The following PLA2G12B variants were observed in gnomAD, a reference collection of about 807,000 sequenced individuals.
PLA2G12B encodes the protein phospholipase A2 group XIIB, also known as group XIIB secretory phospholipase A2-like protein.
In PLA2G12B, 19 loss-of-function variants were observed where a neutral mutation model predicts 22.3. The observed-to-expected ratio is 0.85, with a 90% CI of 0.60 to 1.25. The LOEUF is 1.25. PLA2G12B is among the 50% of genes most tolerant of loss of function. The pLI is 0.00. For synonymous variants in PLA2G12B, 81 were observed against 94.9 expected, an observed-to-expected ratio of 0.85 and a Z score of 0.85; for missense variants, 191 against 246.6, an observed-to-expected ratio of 0.77 and a Z score of 1.51.
In PLA2G12B at chr10:72,942,688, G is replaced by T; in HGVS notation, c.264C>A (p.Cys88Ter). 6.2e-7 allele frequency: 1 copy of T among 1,607,628 alleles called. No individual in the cohort carries two copies. The highest frequency in any genetic ancestry group is 1.7e-5 in the Admixed American group (1 of 59,340). ...CCTTGAGACCCAGGAAATAGGAGCCGCAGCCATTGGGCTCTTGGGGCTTGT... is the reference window on the plus strand; with the variant it reads ...CCTTGAGACCCAGGAAATAGGAGCCTCAGCCATTGGGCTCTTGGGGCTTGT... ...PGYKPQEPNG[C>*]GSYFLGLKVP... Residue 88 changes from cysteine to a stop codon, truncating the protein, a stop_gained, in exon 2 of 4, where the codon TGC becomes TGA. Transcript: ENST00000373032. LOFTEE classifies it high-confidence loss of function.
intron 1 of PLA2G12B, among the ~76,000 whole-genome samples, chr10:72,948,985 A>C (rs1051941237): frequency 2.6e-5 from 4 of 152,142 alleles, no homozygotes; most frequent in African/African-American, 9.7e-5. Context: ...CAGCAGTAAA[A>C]ACTTTCAGGG....
At chr10:72,940,671 C>A (rs1200479283) in intron 3 of PLA2G12B, among the ~76,000 whole-genome samples, 1 of 150,392 alleles carries the variant, frequency 6.6e-6, no homozygotes, top group Admixed American at 6.6e-5. Context: ...GATTCTGTCT[C>A]AAAAAAAATT....
chr10:72,936,161 A>G (rs943022037), intron 3 of PLA2G12B, among the ~76,000 whole-genome samples: 1 of 152,162 alleles, frequency 6.6e-6, no homozygotes, highest in Non-Finnish European at 1.5e-5. Context: ...ATGGAAAAAC[A>G]TTTGCATGGC....
chr10:72,937,196 C>T (rs551631197), intron 3 of PLA2G12B, among the ~76,000 whole-genome samples: 118 of 152,014 alleles, frequency 7.8e-4, no homozygotes, highest in African/African-American at 1.3e-3. Flanking sequence ...GGCGACAGAG[C>T]GAGACTCCAT....
At chr10:72,939,732 A>G (rs1209589587) in intron 3 of PLA2G12B, among the ~76,000 whole-genome samples, 2 of 152,264 alleles carry the variant, frequency 1.3e-5, no homozygotes, top group Non-Finnish European at 2.9e-5. Flanking sequence ...CCACTGAAGC[A>G]GGAGTCAAGA....
chr10:72,942,218 A>G (rs1266350300), intron 2 of PLA2G12B, among the ~76,000 whole-genome samples: 3 of 151,802 alleles, frequency 2.0e-5, no homozygotes, highest in African/African-American at 4.8e-5. Flanking sequence ...CTCTCCAAAC[A>G]TAGCCAATTT....
rs777181947 is a variant in PLA2G12B, at chr10:72,935,588, C to T, written c.*29G>A. The T allele has an allele frequency of 4.3e-6, 7 of 1,612,588 alleles. No individual in the cohort carries two copies. The South Asian group carries it at 5.5e-5, about 13-fold the overall frequency. On this transcript the variant is annotated 3_prime_UTR_variant, in exon 4 of 4. Coordinates refer to ENST00000373032, the MANE Select transcript of PLA2G12B (RefSeq NM_032562.5). ...TTGAAGGCTGACAGCTGTGGTGTCA[C>T]TCAAAACCAGGAAGGAATCACTTCT...
chr10:72,942,482 A>T (rs1281420835), intron 2 of PLA2G12B, among the ~76,000 whole-genome samples, 170 bp downstream of exon 2: 1 of 152,188 alleles, frequency 6.6e-6, no homozygotes, highest in East Asian at 1.9e-4. Flanking sequence ...GTCCCTGAGA[A>T]AAGGAAATCA....
intron 1 of PLA2G12B, among the ~76,000 whole-genome samples, chr10:72,947,237 CTTATT>C (rs534327401): frequency 1.2e-3 from 175 of 151,246 alleles, no homozygotes; most frequent in African/African-American, 3.9e-3. Context: ...TTTTCATTTT[CTTATT>C]TTATTTTATT....
chr10:72,935,586 C>A lies in PLA2G12B; in HGVS notation c.*31G>T. On this transcript the variant is annotated 3_prime_UTR_variant, in exon 4 of 4. Coordinates refer to ENST00000373032, the MANE Select transcript of PLA2G12B (RefSeq NM_032562.5). ...TCTTGAAGGCTGACAGCTGTGGTGT[C>A]ACTCAAAACCAGGAAGGAATCACTT... 6.2e-7 allele frequency: 1 copy of A among 1,612,032 alleles called. No homozygotes were observed. The highest frequency in any genetic ancestry group is 1.1e-5 in the South Asian group (1 of 90,638).
intron 1 of PLA2G12B, 25 bp downstream of exon 1, chr10:72,954,450 A>G (rs754292941): frequency 1.2e-6 from 2 of 1,614,068 alleles, no homozygotes; most frequent in Non-Finnish European, 1.7e-6. Context: ...AACAGTTTTT[A>G]CAGAAAGAGA....
rs537536673 is a variant in PLA2G12B, at chr10:72,948,268, C to T, written c.212-5528G>A. Among the ~76,000 whole-genome samples, 3 of 152,264 alleles carry T rather than the reference C, an allele frequency of 2.0e-5. No individual in the cohort carries two copies. In the South Asian group the frequency reaches 6.2e-4, roughly 32 times the overall value. ...TTGGGTTACCCTCTGCCTTTTTGCC[C>T]TTGATAACTCACAGAAGATAAAACT... On this transcript the variant is annotated intron_variant, in intron 1 of 3. Coordinates refer to ENST00000373032, the MANE Select transcript of PLA2G12B (RefSeq NM_032562.5).
chr10:72,947,716 T>C (rs1374256641), intron 1 of PLA2G12B, among the ~76,000 whole-genome samples: 1 of 152,184 alleles, frequency 6.6e-6, no homozygotes, highest in Non-Finnish European at 1.5e-5. Flanking sequence ...CTCAGGCAGT[T>C]TGGATGCTAT....
At chr10:72,940,600 A>G (rs1846344718) in intron 3 of PLA2G12B, among the ~76,000 whole-genome samples, 1 of 152,046 alleles carries the variant, frequency 6.6e-6, no homozygotes, top group African/African-American at 2.4e-5. Context: ...TGAACCCGGA[A>G]AGCAGAGGTT....
chr10:72,950,842 G>T (rs1342735993), intron 1 of PLA2G12B, among the ~76,000 whole-genome samples: 1 of 152,246 alleles, frequency 6.6e-6, no homozygotes, highest in Non-Finnish European at 1.5e-5. Flanking sequence ...TTATTAAAGT[G>T]TGAAAGCGTG....
chr10:72,941,068 A>T, intron 3 of PLA2G12B, 101 bp downstream of exon 3: 1 of 1,259,736 alleles, frequency 7.9e-7, no homozygotes, highest in Non-Finnish European at 1.1e-6. Flanking sequence ...ATATTCAGTG[A>T]GCTCTGATGA....
At chr10:72,950,004 A>G (rs995237926) in intron 1 of PLA2G12B, among the ~76,000 whole-genome samples, 7 of 152,158 alleles carry the variant, frequency 4.6e-5, no homozygotes, top group Admixed American at 2.0e-4. Flanking sequence ...AGAAAAAAAA[A>G]AAAGAAAGAA....
At chr10:72,947,373 G>A (rs1340918986) in intron 1 of PLA2G12B, among the ~76,000 whole-genome samples, 8 of 152,038 alleles carry the variant, frequency 5.3e-5, no homozygotes, top group Non-Finnish European at 1.0e-4. Flanking sequence ...CCTAGTAGCT[G>A]GGACTACAAG....
chr10:72,948,319 G>A (rs556273983), intron 1 of PLA2G12B, among the ~76,000 whole-genome samples: 3 of 152,228 alleles, frequency 2.0e-5, no homozygotes, highest in Admixed American at 6.5e-5. Flanking sequence ...GAAAGATACC[G>A]GAATGGAATT....
Sources: gnomAD v4.1 joint callset for allele counts (sites outside exome capture counted in the v4.1 genomes callset) on GRCh38, gnomAD v4.1.1 for gene constraint, MANE v1.5 for transcripts, NCBI Gene and HGNC (gene_info 2026-07-23, HGNC 2026-07-21) for gene names.